TNC: variants seen among roughly 807,000 people sequenced by gnomAD.
TNC encodes the protein tenascin C, also known as tenascin.
A neutral mutation model predicts 202.4 loss-of-function variants in TNC; 109 were observed. The observed-to-expected ratio is 0.54, with a 90% confidence interval of 0.46 to 0.63. TNC has a LOEUF of 0.63. Among genes scored for constraint, TNC ranks in the 30% least tolerant of loss-of-function variants. The pLI is 0.00. For missense variants in TNC, 2,756 were observed against 2,833.3 expected (o/e 0.97, Z 0.62); for synonymous variants, 1,007 against 1,089.7 (o/e 0.92, Z 1.50).
chr9:115,095,987 C>A (rs1835761362), intron 1 of TNC, among the ~76,000 whole-genome samples: 1 of 152,018 alleles, frequency 6.6e-6, no homozygotes, highest in African/African-American at 2.4e-5. Context: ...AATCTATTTC[C>A]AAGCTAAGCA....
In TNC at chr9:115,019,586, A is replaced by G. The variant is rs1316189300; in HGVS notation, c.*1571T>C. ...CCAGAAGACCTGGGTTTAAATCCAA[A>G]TTCTATTATTTATTGAGTAGTAGCC... On this transcript the variant is annotated 3_prime_UTR_variant, in exon 28 of 28. Coordinates refer to ENST00000350763, the MANE Select transcript of TNC (RefSeq NM_002160.4). The G allele has an allele frequency of 6.6e-6, 1 of 152,186 alleles. No homozygotes were observed. The highest frequency in any genetic ancestry group is 2.4e-5 in the African/African-American group (1 of 41,436). 9.4% of individuals were successfully genotyped at this position (152,186 alleles called of 1,614,324 possible).
At chr9:115,082,289 T>C (rs1458310333) in intron 5 of TNC, among the ~76,000 whole-genome samples, 1 of 152,200 alleles carries the variant, frequency 6.6e-6, no homozygotes, top group African/African-American at 2.4e-5. Flanking sequence ...TGGCAGAGCC[T>C]GGGCTTAAAT....
chr9:115,088,864 C>T lies in TNC; in HGVS notation c.458-1591G>A, dbSNP rs548224538. Reference sequence around the variant, plus strand: ...ATTCCAAATAGTATAAAATAATAGACTGAGAAGTATCCATTAATAATTTTG... The same window carrying T: ...ATTCCAAATAGTATAAAATAATAGATTGAGAAGTATCCATTAATAATTTTG... On this transcript the variant is annotated intron_variant, in intron 2 of 27. Coordinates refer to ENST00000350763, the MANE Select transcript of TNC (RefSeq NM_002160.4). Among the ~76,000 whole-genome samples the T allele has an allele frequency of 2.0e-5, 3 of 152,044 alleles. No individual in the cohort carries two copies. The East Asian group carries it at 5.8e-4, about 29-fold the overall frequency.
At chr9:115,116,705 C>T (rs986571578) in intron 1 of TNC, among the ~76,000 whole-genome samples, 5 of 152,166 alleles carry the variant, frequency 3.3e-5, no homozygotes, top group Non-Finnish European at 7.3e-5. Flanking sequence ...TCTGCAGATG[C>T]CTAAACTCAA....
chr9:115,070,093 C>T (rs1333572708), intron 10 of TNC, among the ~76,000 whole-genome samples: 1 of 151,884 alleles, frequency 6.6e-6, no homozygotes, highest in African/African-American at 2.4e-5. Flanking sequence ...TGGAATCAGT[C>T]CTTATATTCT....
chr9:115,108,554 G>A (rs1836791428), intron 1 of TNC, among the ~76,000 whole-genome samples: 1 of 152,094 alleles, frequency 6.6e-6, no homozygotes, highest in Admixed American at 6.5e-5. Context: ...CATTGTTTAT[G>A]CCCTTACCTT....
At chr9:115,042,391 T>A (rs1267098589) in intron 17 of TNC, 50 bp from the exon 18 acceptor site, 1 of 1,601,298 alleles carries the variant, frequency 6.2e-7, no homozygotes, top group Non-Finnish European at 8.5e-7. Flanking sequence ...AACTGTCTTG[T>A]TCATCAATGG....
In TNC at chr9:115,042,889, C is replaced by T. The variant is rs116054157; in HGVS notation, c.5126-548G>A. ...GAGTAGGCAGCAGAGCCAAGCACAG[C>T]CTGGAATCCTGGAAATAACGTTCAC... On this transcript the variant is annotated intron_variant, in intron 17 of 27. Coordinates refer to ENST00000350763, the MANE Select transcript of TNC (RefSeq NM_002160.4). Among the ~76,000 whole-genome samples the T allele has an allele frequency of 5.5e-3, 836 of 152,212 alleles. 7 individuals are homozygous for T. The highest frequency in any genetic ancestry group is 0.019 in the African/African-American group (805 of 41,512).
intron 10 of TNC, among the ~76,000 whole-genome samples, chr9:115,071,526 A>G (rs1351458427): frequency 1.3e-5 from 2 of 152,238 alleles, no homozygotes; most frequent in African/African-American, 4.8e-5. Flanking sequence ...CCCACACCTC[A>G]GGATCTTAGG....
chr9:115,029,336 T>A, intron 25 of TNC, 24 bp downstream of exon 25: 1 of 1,606,140 alleles, frequency 6.2e-7, no homozygotes, highest in South Asian at 1.1e-5. Flanking sequence ...GCATTTTAGA[T>A]ATAAACATGC....
At chr9:115,061,238 C>A (rs1177526562) in intron 13 of TNC, among the ~76,000 whole-genome samples, 1 of 152,098 alleles carries the variant, frequency 6.6e-6, no homozygotes, top group East Asian at 1.9e-4. Context: ...GTCTGAGCAA[C>A]CTCTGAGCAA....
chr9:115,071,770 A>G (rs1833486169), intron 10 of TNC, among the ~76,000 whole-genome samples: 1 of 152,170 alleles, frequency 6.6e-6, no homozygotes, highest in African/African-American at 2.4e-5. Context: ...GAAAGAAAAG[A>G]GAGGGATTTC....
chr9:115,032,294 C>T (rs1164081706), intron 22 of TNC, among the ~76,000 whole-genome samples: 1 of 152,046 alleles, frequency 6.6e-6, no homozygotes, highest in Non-Finnish European at 1.5e-5. Flanking sequence ...AAATGACAAG[C>T]TTTGAAACTT....
At chr9:115,048,167 G>A in intron 16 of TNC, 93 bp downstream of exon 16, 2 of 1,455,680 alleles carry the variant, frequency 1.4e-6, no homozygotes, top group East Asian at 2.3e-5. Context: ...TAGGGAATGT[G>A]AACAAAGATG....
intron 10 of TNC, among the ~76,000 whole-genome samples, chr9:115,067,496 T>C (rs1833043539): frequency 6.6e-6 from 1 of 152,122 alleles, no homozygotes; most frequent in African/African-American, 2.4e-5. Flanking sequence ...TTCTATAAAA[T>C]AAATTTTAAA....
rs202155626 is a variant in TNC at position 115,048,404 on chromosome 9, G to A, written c.4708C>T (p.Leu1570=). ...GAAAGTGTGAATTCCTGGGGGTCCA[G>A]CAGCTTCCCAGAATCCACCACCGTT... ...LVTVVDSGKL[L]DPQEFTLSGT... is the part of the protein sequence containing the mutation. The change falls in exon 16 of 28, where the codon CTG becomes TTG. Residue 1570 remains leucine, a synonymous_variant. Coordinates refer to ENST00000350763, the MANE Select transcript of TNC (RefSeq NM_002160.4). The A allele has an allele frequency of 2.6e-4, 414 of 1,613,944 alleles. 1 individual carries two copies. The highest frequency in any genetic ancestry group is 2.9e-4 in the Non-Finnish European group (339 of 1,179,988).
intron 1 of TNC, among the ~76,000 whole-genome samples, chr9:115,095,075 T>A (rs1416073850): frequency 1.3e-5 from 2 of 152,068 alleles, no homozygotes; most frequent in African/African-American, 4.8e-5. Context: ...GTCTTAGGTT[T>A]GAATCACTGT....
chr9:115,086,800 T>C lies in TNC; in HGVS notation c.931A>G (p.Ser311Gly). 1 of 1,614,088 alleles carries C rather than the reference T, an allele frequency of 6.2e-7. No individual in the cohort carries two copies. The highest frequency in any genetic ancestry group is 8.5e-7 in the Non-Finnish European group (1 of 1,180,002). ...CAGTCATTGGGGCAGATGAGCTCAC[T>C]GCAGTCTTCGCCCGTGAAACCCTCA... is the stretch of plus-strand genomic sequence containing the variant. The part of the protein sequence containing the change: ...CDEGFTGEDC[S>G]ELICPNDCFD... The change falls in exon 3 of 28, where the codon AGT (serine) becomes GGT (glycine). Residue 311 changes from serine to glycine, a missense_variant. Transcript: ENST00000350763.
At chr9:115,091,918 T>G (rs763683175) in intron 1 of TNC, among the ~76,000 whole-genome samples, 43 of 152,220 alleles carry the variant, frequency 2.8e-4, no homozygotes, top group Non-Finnish European at 5.7e-4. Flanking sequence ...TTGTCTAAAC[T>G]GAGGCTCACA....
Sources: allele counts gnomAD v4.1 joint callset (sites outside exome capture counted in the v4.1 genomes callset), GRCh38; gene constraint gnomAD v4.1.1; transcripts MANE v1.5; gene names NCBI Gene and HGNC (gene_info 2026-07-23, HGNC 2026-07-21).